The following FHIP1A variants were observed in gnomAD, a reference collection of about 807,000 sequenced individuals.
FHIP1A encodes the protein FHF complex subunit HOOK-interacting protein 1A.
FHIP1A carries 61 observed loss-of-function variants against 88.6 expected under a neutral mutation model. The observed-to-expected ratio is 0.69, with a 90% confidence interval of 0.56 to 0.85. The LOEUF is 0.85. Among genes scored for constraint, FHIP1A ranks in the 40% least tolerant of loss-of-function variants. The pLI is 0.00. For missense variants in FHIP1A, 1,154 were observed against 1,273.5 expected, an observed-to-expected ratio of 0.91 and a Z score of 1.43; for synonymous variants, 478 against 496.0, an observed-to-expected ratio of 0.96 and a Z score of 0.48.
rs1737666545 is a variant in FHIP1A at position 151,666,382 on chromosome 4, T to A, written c.*3628T>A. 6.6e-6 allele frequency among the ~76,000 whole-genome samples: 1 copy of A among 152,168 alleles called. No individual in the cohort carries two copies. The highest frequency in any genetic ancestry group is 6.5e-5 in the Admixed American group (1 of 15,286). On this transcript the variant is annotated 3_prime_UTR_variant, in exon 14 of 14. Transcript: ENST00000435205. ...GGAAAATGCTTTGATGTGCTCGGGTTGGAGTGGATGTCTGTCAGGTGTTAG... is the reference window on the plus strand; with the variant it reads ...GGAAAATGCTTTGATGTGCTCGGGTAGGAGTGGATGTCTGTCAGGTGTTAG...
chr4:151,606,184 C>T (rs919366679), intron 7 of FHIP1A, among the ~76,000 whole-genome samples: 14 of 152,054 alleles, frequency 9.2e-5, no homozygotes, highest in African/African-American at 2.7e-4. Context: ...GAGATAGTAG[C>T]GGGGGTTCTG....
chr4:151,577,600 G>A lies in FHIP1A; in HGVS notation c.256G>A (p.Gly86Arg). ...AGAGCAAGCCAAAGATGCTGCAATG[G>A]GGCCGATTCTGGAATTTGTGGTCTC... Reference protein sequence around the residue: ...IEEQAKDAAMGPILEFVVSEN... With the variant: ...IEEQAKDAAMRPILEFVVSEN... Residue 86 changes from glycine to arginine, a missense_variant, in exon 5 of 14, where the codon GGG (glycine) becomes AGG (arginine). Gly to Arg is a moderately radical substitution (Grantham distance 125). Transcript: ENST00000435205. The A allele has an allele frequency of 1.3e-6, 2 of 1,551,870 alleles. No individual in the cohort carries two copies. Among genetic ancestry groups the A allele is most frequent in the Non-Finnish European group, 1.7e-6 (2 of 1,147,022 alleles).
chr4:151,486,639 T>C (rs1021070344), intron 3 of FHIP1A, among the ~76,000 whole-genome samples: 8 of 152,306 alleles, frequency 5.3e-5, no homozygotes, highest in African/African-American at 1.9e-4. Context: ...TATTTTTTGC[T>C]GAAGTCAGAT....
intron 8 of FHIP1A, among the ~76,000 whole-genome samples, chr4:151,633,667 T>A (rs1163788233): frequency 6.6e-6 from 1 of 151,948 alleles, no homozygotes; most frequent in South Asian, 2.1e-4. Context: ...AGTCAGTCAG[T>A]GTAATATACC....
intron 3 of FHIP1A, among the ~76,000 whole-genome samples, chr4:151,529,360 G>C (rs768617624): frequency 4.6e-5 from 7 of 152,186 alleles, no homozygotes; most frequent in African/African-American, 1.7e-4. Context: ...GCTACTCTCT[G>C]AGTTGCCCTT....
At chr4:151,628,291 A>T (rs1055401562) in intron 7 of FHIP1A, among the ~76,000 whole-genome samples, 2 of 152,238 alleles carry the variant, frequency 1.3e-5, no homozygotes, top group East Asian at 3.8e-4. Context: ...TAAAGAAAAC[A>T]GACACACTGA....
chr4:151,481,510 AT>A (rs1729894353), intron 2 of FHIP1A, among the ~76,000 whole-genome samples: 1 of 151,774 alleles, frequency 6.6e-6, no homozygotes, highest in African/African-American at 2.4e-5. Context: ...TTTATTTTTT[AT>A]TTTTTTAGAA....
At chr4:151,566,417 C>T in intron 4 of FHIP1A, 53 bp downstream of exon 4, 1 of 1,002,868 alleles carries the variant, frequency 1.0e-6, no homozygotes, top group Non-Finnish European at 1.5e-6. Context: ...CAGGGGCCTC[C>T]ATCACACTGA....
intron 3 of FHIP1A, among the ~76,000 whole-genome samples, chr4:151,557,012 A>G (rs1028740425): frequency 1.3e-5 from 2 of 152,060 alleles, no homozygotes; most frequent in South Asian, 2.1e-4. Context: ...TGGTATTTTC[A>G]TGTTTTGCCT....
intron 4 of FHIP1A, among the ~76,000 whole-genome samples, chr4:151,568,060 C>A (rs890384857): frequency 6.6e-6 from 1 of 152,192 alleles, no homozygotes; most frequent in Non-Finnish European, 1.5e-5. Context: ...GGTGGGTCAT[C>A]TGCCCTGTCA....
At chr4:151,499,243 CT>C (rs1043048468) in intron 3 of FHIP1A, among the ~76,000 whole-genome samples, 2 of 152,054 alleles carry the variant, frequency 1.3e-5, no homozygotes, top group East Asian at 3.9e-4. Context: ...CCCAGAACCT[CT>C]TTTTTTTGCC....
rs1733180960 is a variant in FHIP1A at position 151,561,738 on chromosome 4, G to A, written c.-122-4400G>A. Among the ~76,000 whole-genome samples the A allele has an allele frequency of 2.6e-5, 4 of 152,094 alleles. 1 individual carries two copies. The South Asian group carries it at 8.3e-4, about 32-fold the overall frequency. ...CAAACAATGAATTTTTCTATTGGCA[G>A]TTGCTCAGGAAATAAACAAAAAAAA... is the stretch of plus-strand genomic sequence containing the variant. On this transcript the variant is annotated intron_variant, in intron 3 of 13. Coordinates refer to ENST00000435205, the MANE Select transcript of FHIP1A (RefSeq NM_001109977.3).
chr4:151,411,536 G>T (rs1732647349), intron 1 of FHIP1A, among the ~76,000 whole-genome samples: 1 of 151,754 alleles, frequency 6.6e-6, no homozygotes, highest in Non-Finnish European at 1.5e-5. Flanking sequence ...TTTTCATACA[G>T]ACAGGGTTTT....
intron 3 of FHIP1A, among the ~76,000 whole-genome samples, chr4:151,543,958 G>A (rs532580236): frequency 6.6e-6 from 1 of 152,190 alleles, no homozygotes; most frequent in Non-Finnish European, 1.5e-5. Context: ...GGCACTGATT[G>A]ATTGTGAAAA....
At chr4:151,588,809 CCTTTTT>C (rs1274547750) in intron 6 of FHIP1A, 25 bp from the exon 7 acceptor site, 1 of 1,353,302 alleles carries the variant, frequency 7.4e-7, no homozygotes, top group Admixed American at 2.0e-5. Context: ...GAACTCTTTG[CCTTTTT>C]CATGCCTATG....
At chr4:151,648,996 C>T (rs914398119) in intron 10 of FHIP1A, among the ~76,000 whole-genome samples, 3 of 152,128 alleles carry the variant, frequency 2.0e-5, no homozygotes, top group Non-Finnish European at 4.4e-5. Flanking sequence ...AGTTAATAGG[C>T]TTTTCTAAAA....
rs577457342 is a variant in FHIP1A, at chr4:151,549,469, C to T, written c.-122-16669C>T. On this transcript the variant is annotated intron_variant, in intron 3 of 13. Transcript: ENST00000435205. ...TCACACCACTGCGCTCCAGCCTGGG[C>T]GAGAGAGTGAGACTCTGTCTAAAAA... 5.3e-5 allele frequency among the ~76,000 whole-genome samples: 7 copies of T among 132,586 alleles called. No individual in the cohort carries two copies. In the South Asian group the frequency reaches 7.2e-4, roughly 14 times the overall value. 87.0% of individuals were successfully genotyped at this position (132,586 alleles called of 152,430 possible).
At chr4:151,605,918 C>T (rs1735056291) in intron 7 of FHIP1A, among the ~76,000 whole-genome samples, 1 of 152,152 alleles carries the variant, frequency 6.6e-6, no homozygotes, top group African/African-American at 2.4e-5. Context: ...CAGTTTGGCT[C>T]TTACTGGCTA....
intron 2 of FHIP1A, among the ~76,000 whole-genome samples, chr4:151,472,173 T>A (rs1369094627): frequency 6.6e-6 from 1 of 152,172 alleles, no homozygotes; most frequent in Non-Finnish European, 1.5e-5. Flanking sequence ...GCTTATTGTT[T>A]ATTGAAAAAC....
Sources: allele counts gnomAD v4.1 joint callset (sites outside exome capture counted in the v4.1 genomes callset), GRCh38; gene constraint gnomAD v4.1.1; transcripts MANE v1.5; gene names NCBI Gene and HGNC (gene_info 2026-07-23, HGNC 2026-07-21).